Variants in ZFHX3 observed in about 807,000 individuals in gnomAD.
ZFHX3 encodes the protein zinc finger homeobox protein 3.
Under a neutral mutation model 279.1 loss-of-function variants are expected in ZFHX3, and 42 were observed. The observed-to-expected ratio is 0.15, with a 90% confidence interval of 0.12 to 0.19. The LOEUF (loss-of-function observed/expected upper bound fraction) is 0.19. Among genes scored for constraint, ZFHX3 ranks in the 10% least tolerant of loss-of-function variants. The probability of loss-of-function intolerance (pLI) is 1.00; values close to 1 mark genes in which losing one functional copy is unlikely to be tolerated. For synonymous variants in ZFHX3, 2,293 were observed against 1,957.8 expected (o/e 1.17, Z -4.52); for missense variants, 4,981 against 4,754.0 (o/e 1.05, Z -1.40).
chr16:73,830,508 T>A (rs1418587499), intron 1 of ZFHX3, among the ~76,000 whole-genome samples: 1 of 152,178 alleles, frequency 6.6e-6, no homozygotes, highest in Non-Finnish European at 1.5e-5. Context: ...ACATGGGACA[T>A]GAAACCCCAC....
chr16:73,197,570 C>T (rs950868863), intron 5 of ZFHX3, among the ~76,000 whole-genome samples: 3 of 152,180 alleles, frequency 2.0e-5, no homozygotes, highest in African/African-American at 7.2e-5. Flanking sequence ...AACCACTTCC[C>T]CATGACTTAT....
chr16:73,483,032 C>A (rs1240704182), intron 2 of ZFHX3, among the ~76,000 whole-genome samples: 1 of 152,164 alleles, frequency 6.6e-6, no homozygotes, highest in Admixed American at 6.5e-5. Context: ...CTTTCTTGTT[C>A]TTTCTTTTCC....
intron 3 of ZFHX3, among the ~76,000 whole-genome samples, chr16:72,935,127 C>T (rs536724734): frequency 6.6e-6 from 1 of 152,236 alleles, no homozygotes; most frequent in East Asian, 1.9e-4. Flanking sequence ...TTTAGATTAT[C>T]GTCAACAAAG....
chr16:72,827,294 C>A (rs992086841), intron 5 of ZFHX3, among the ~76,000 whole-genome samples: 9 of 152,164 alleles, frequency 5.9e-5, no homozygotes, highest in African/African-American at 2.2e-4. Flanking sequence ...AACAAACAAA[C>A]AACTTACATA....
intron 2 of ZFHX3, among the ~76,000 whole-genome samples, chr16:73,470,387 G>A (rs951059331): frequency 6.6e-6 from 1 of 152,126 alleles, no homozygotes; most frequent in African/African-American, 2.4e-5. Context: ...CTGCCTTCAC[G>A]TTTAGCGTGT....
In ZFHX3 at chr16:73,235,703, C is replaced by A. The variant is rs147068263; in HGVS notation, c.-1104+21344G>T. Among the ~76,000 whole-genome samples, 244 of 152,010 alleles carry A rather than the reference C, an allele frequency of 1.6e-3. 5 individuals are homozygous for A. The East Asian group carries it at 0.046, about 29-fold the overall frequency. ...TTGTTTTTTTTTTTAGATAGCATCT[C>A]GCTCTGTCGCCCATGCTGGAGTGCA... On this transcript the variant is annotated intron_variant, in intron 5 of 17. Transcript: ENST00000641206.
At chr16:73,245,125 C>A (rs1461544672) in intron 5 of ZFHX3, among the ~76,000 whole-genome samples, 1 of 152,186 alleles carries the variant, frequency 6.6e-6, no homozygotes. Context: ...TAGAACCTTG[C>A]GCTTACATTT....
At chr16:73,624,736 G>A (rs2052399735) in intron 2 of ZFHX3, among the ~76,000 whole-genome samples, 1 of 152,144 alleles carries the variant, frequency 6.6e-6, no homozygotes, top group Non-Finnish European at 1.5e-5. Context: ...CTGCCAGGGA[G>A]AAGCCTGATC....
intron 1 of ZFHX3, among the ~76,000 whole-genome samples, chr16:73,825,610 T>G (rs1186091630): frequency 1.4e-5 from 1 of 73,466 alleles, no homozygotes; most frequent in Non-Finnish European, 2.4e-5. Flanking sequence ...AGTTTCAGCT[T>G]TCTACATATG....
At chr16:73,635,542 A>C (rs573732400) in intron 2 of ZFHX3, among the ~76,000 whole-genome samples, 14 of 152,274 alleles carry the variant, frequency 9.2e-5, no homozygotes, top group African/African-American at 3.4e-4. Context: ...GAAGTGAAAG[A>C]AGCTTTCCTC....
At chr16:72,890,826 A>G (rs1042715511) in intron 3 of ZFHX3, among the ~76,000 whole-genome samples, 2 of 152,278 alleles carry the variant, frequency 1.3e-5, no homozygotes, top group Non-Finnish European at 2.9e-5. Context: ...ATTGATTTAC[A>G]TACTGTCTAT....
intron 2 of ZFHX3, among the ~76,000 whole-genome samples, chr16:72,957,047 C>G (rs1010689402): frequency 6.6e-6 from 1 of 152,132 alleles, no homozygotes; most frequent in Non-Finnish European, 1.5e-5. Flanking sequence ...ATTGCCTCAG[C>G]TACAGTTTCC....
rs112397126 is a variant in ZFHX3, at chr16:73,766,997, G to A, written c.-1607-86757C>T. On this transcript the variant is annotated intron_variant, in intron 1 of 17. Transcript: ENST00000641206. ...GTTGCCCAGGCTGGAGTGCACTGGC[G>A]CGATCTCAGCTCAGTGCAACCTCCA... Among the ~76,000 whole-genome samples, 12 of 149,392 alleles carry A rather than the reference G, an allele frequency of 8.0e-5. 1 individual carries two copies. Among genetic ancestry groups the A allele is most frequent in the African/African-American group, 2.7e-4 (11 of 40,334 alleles).
At chr16:73,601,338 C>G (rs2052114004) in intron 2 of ZFHX3, among the ~76,000 whole-genome samples, 4 of 149,430 alleles carry the variant, frequency 2.7e-5, no homozygotes, top group Admixed American at 2.0e-4. Flanking sequence ...GGTGTGGTGG[C>G]ACATGCCAGT....
intron 7 of ZFHX3, among the ~76,000 whole-genome samples, chr16:73,120,970 T>C (rs118162492): frequency 0.013 from 2,038 of 152,188 alleles, 18 homozygotes; most frequent in Middle Eastern, 0.024. Flanking sequence ...CTCTCTACTT[T>C]CTTTGTTTTA....
chr16:73,381,709 G>T (rs1043993284), intron 3 of ZFHX3, among the ~76,000 whole-genome samples: 2 of 152,104 alleles, frequency 1.3e-5, no homozygotes, highest in Non-Finnish European at 2.9e-5. Context: ...GCAAGAAGAA[G>T]AATTGTCTTG....
intron 3 of ZFHX3, among the ~76,000 whole-genome samples, chr16:72,901,558 C>T (rs1005175258): frequency 6.6e-6 from 1 of 152,114 alleles, no homozygotes; most frequent in Non-Finnish European, 1.5e-5. Context: ...AGTGACGGGG[C>T]GAGGCAGAAA....
chr16:73,130,839 C>T lies in ZFHX3; in HGVS notation c.-897+129G>A, dbSNP rs148317410. The T allele has an allele frequency of 1.9e-3, 1,295 of 676,148 alleles. 19 individuals carry two copies. The African/African-American group carries it at 0.023, about 12-fold the overall frequency. 41.9% of individuals were successfully genotyped at this position (676,148 alleles called of 1,614,324 possible). On this transcript the variant is annotated intron_variant, in intron 7 of 17. Coordinates refer to the ZFHX3 transcript ENST00000641206. Reference sequence around the variant, plus strand: ...GCCAGGCTGGTCTCGAACTCCTGACCTCAGGTGATCCACCTGCCTCGGCCT... The same window carrying T: ...GCCAGGCTGGTCTCGAACTCCTGACTTCAGGTGATCCACCTGCCTCGGCCT...
chr16:72,866,223 G>C (rs541181962), intron 4 of ZFHX3, among the ~76,000 whole-genome samples: 2 of 152,210 alleles, frequency 1.3e-5, no homozygotes, highest in East Asian at 3.9e-4. Context: ...AGTAGCCAGA[G>C]AGGGAGGGTC....
Sources: gnomAD v4.1 joint callset for allele counts (sites outside exome capture counted in the v4.1 genomes callset) on GRCh38, gnomAD v4.1.1 for gene constraint, MANE v1.5 for transcripts, NCBI Gene and HGNC (gene_info 2026-07-23, HGNC 2026-07-21) for gene names.